Variants in NEUROD1 observed in about 807,000 individuals in gnomAD.
The protein encoded by NEUROD1 is neurogenic differentiation factor 1.
NEUROD1 carries 9 observed loss-of-function variants against 21.8 expected under a neutral mutation model. The observed-to-expected ratio is 0.41, with a 90% confidence interval of 0.25 to 0.72. The LOEUF (loss-of-function observed/expected upper bound fraction) is 0.72. Among genes scored for constraint, NEUROD1 ranks in the 30% least tolerant of loss-of-function variants. The probability of loss-of-function intolerance (pLI) is 0.31; values close to 1 mark genes in which losing one functional copy is unlikely to be tolerated. For missense variants in NEUROD1, 434 were observed against 468.8 expected, an observed-to-expected ratio of 0.93 and a Z score of 0.69; for synonymous variants, 199 against 186.2, an observed-to-expected ratio of 1.07 and a Z score of -0.56.
chr2:181,673,209 T>G (rs1688521582), downstream of NEUROD1: 1 of 152,238 alleles, frequency 6.6e-6, no homozygotes, highest in Non-Finnish European at 1.5e-5. Context: ...TCAATGCCAC[T>G]AGTTTGGCTG....
exon 2 of NEUROD1, among the ~76,000 whole-genome samples, chr2:181,671,025 GCACA>G (rs71004600): frequency 0.023 from 3,343 of 146,570 alleles, 71 homozygotes; most frequent in African/African-American, 0.051. Flanking sequence ...GCATATGTGT[GCACA>G]CACACACACA....
chr2:181,679,477 A>C (rs1351684375), intron 1 of NEUROD1, among the ~76,000 whole-genome samples: 1 of 152,264 alleles, frequency 6.6e-6, no homozygotes, highest in Non-Finnish European at 1.5e-5. Flanking sequence ...CATCAATGTA[A>C]CATTTGGCAA....
chr2:181,673,233 A>G (rs1039696970), downstream of NEUROD1: 3 of 152,210 alleles, frequency 2.0e-5, no homozygotes, highest in African/African-American at 7.2e-5. Context: ...AGTTAATTCC[A>G]TCAGAGCCAC....
downstream of NEUROD1, among the ~76,000 whole-genome samples, chr2:181,674,012 T>G (rs2105589680): frequency 1.3e-5 from 2 of 152,278 alleles, no homozygotes; most frequent in East Asian, 3.9e-4. Context: ...TATAATTGTT[T>G]TAATGATTAA....
At chr2:181,672,271 T>C (rs1383908476), downstream of NEUROD1, among the ~76,000 whole-genome samples, 5 of 152,234 alleles carry the variant, frequency 3.3e-5, no homozygotes, top group Non-Finnish European at 7.3e-5. Context: ...TCAATTGTTT[T>C]CTTTTTATAG....
At chr2:181,672,397 C>T (rs1463119803), downstream of NEUROD1, among the ~76,000 whole-genome samples, 3 of 152,234 alleles carry the variant, frequency 2.0e-5, no homozygotes, top group African/African-American at 7.2e-5. Context: ...CACATTAGTG[C>T]TCTTCAGTTC....
chr2:181,678,843 G>T lies in NEUROD1; in HGVS notation c.18C>A (p.Ser6Arg). 2 of 1,613,982 alleles carry T rather than the reference G, an allele frequency of 1.2e-6. No homozygotes were observed. Among genetic ancestry groups the T allele is most frequent in the East Asian group, 4.5e-5 (2 of 44,880 alleles). The change falls in exon 2 of 2, where the codon AGC (serine) becomes AGA (arginine). Residue 6 changes from serine (S) to arginine (R), a missense_variant. Ser to Arg is a moderately radical substitution (Grantham distance 110). Coordinates refer to ENST00000295108, the MANE Select transcript of NEUROD1 (RefSeq NM_002500.5). The surrounding 1 kb of genome is among the most constrained non-coding windows in gnomAD (Gnocchi z 5.5). MTKSY[S>R]ESGLMGEPQP... ...GAGGCTCGCCCATCAGCCCACTCTCGCTGTACGATTTGGTCATGTTTCGAT... is the reference window on the plus strand; with the variant it reads ...GAGGCTCGCCCATCAGCCCACTCTCTCTGTACGATTTGGTCATGTTTCGAT...
rs1396901758 is a variant in NEUROD1 at position 181,677,414 on chromosome 2, A to G, written c.*376T>C. ...TGCTGGTTGAAAAATATATATTTAT[A>G]TATATTTTAATTGGCCCATTACTAG... On this transcript the variant is annotated 3_prime_UTR_variant, in exon 2 of 2. Coordinates refer to ENST00000295108, the MANE Select transcript of NEUROD1 (RefSeq NM_002500.5). 6.2e-6 allele frequency: 1 copy of G among 161,008 alleles called. No individual in the cohort carries two copies. The highest frequency in any genetic ancestry group is 1.8e-4 in the East Asian group (1 of 5,588). The allele number at this position is 161,008 out of a possible 1,614,324, so 10.0% of individuals were successfully genotyped here. A position where few individuals can be genotyped will look rare whatever the true frequency, so the allele number is the denominator to read the frequency against.
chr2:181,674,721 A>G (rs1170888955), downstream of NEUROD1, among the ~76,000 whole-genome samples: 1 of 152,180 alleles, frequency 6.6e-6, no homozygotes, highest in Non-Finnish European at 1.5e-5. Context: ...GCCTTTGAAT[A>G]AAAGATGGTG....
At chr2:181,679,541 A>C (rs1028070001) in intron 1 of NEUROD1, among the ~76,000 whole-genome samples, 1 of 152,214 alleles carries the variant, frequency 6.6e-6, no homozygotes, top group Non-Finnish European at 1.5e-5. Flanking sequence ...CTTGCCTTCC[A>C]TCTCTGGCCC....
At position 181,678,145 on chromosome 2, in the gene NEUROD1, A is replaced by C; in HGVS notation, c.716T>G (p.Val239Gly). Residue 239 changes from valine to glycine, a missense_variant, in exon 2 of 2, where the codon GTC becomes GGC. Coordinates refer to ENST00000295108, the MANE Select transcript of NEUROD1 (RefSeq NM_002500.5). The surrounding 1 kb of genome is among the most constrained non-coding windows in gnomAD (Gnocchi z 5.5). ...GTGCGGCGGAGGCTTAACGTGGAAG[A>C]CATGGGAGCTGTCCATGGTACCGTA... ...PPYGTMDSSH[V>G]FHVKPPPHAY... 1 of 1,614,168 alleles carries C rather than the reference A, an allele frequency of 6.2e-7. No individual in the cohort carries two copies. Among genetic ancestry groups the C allele is most frequent in the South Asian group, 1.1e-5 (1 of 91,080 alleles).
chr2:181,680,358 G>A (rs1318761369), intron 1 of NEUROD1, 72 bp downstream of exon 1: 1 of 152,224 alleles, frequency 6.6e-6, no homozygotes, highest in Non-Finnish European at 1.5e-5. Context: ...CACACATACA[G>A]AATATGTAGG....
rs1393098220 is a variant in NEUROD1, at chr2:181,678,700, CTCAG to C, written c.157_160del (p.Leu53GlyfsTer38). 6.2e-7 allele frequency: 1 copy of C among 1,611,824 alleles called. No individual in the cohort carries two copies. Among genetic ancestry groups the C allele is most frequent in the Non-Finnish European group, 8.5e-7 (1 of 1,178,848 alleles). ...TTCGTCCTCCTCCTCTCCCCCGTTC[CTCAG>C]TGAGTCCTCCTCTGCGTTCATGGTT... On this transcript the variant is annotated frameshift_variant, in exon 2 of 2. Transcript: ENST00000295108. LOFTEE classifies it high-confidence loss of function. The surrounding 1 kb of genome is among the most constrained non-coding windows in gnomAD (Gnocchi z 5.5).
downstream of NEUROD1, among the ~76,000 whole-genome samples, chr2:181,669,034 T>G (rs117146746): frequency 5.8e-4 from 89 of 152,308 alleles, 1 homozygote; most frequent in East Asian, 0.016. Context: ...CTCCTATATC[T>G]GGATATAAGT....
rs200730094 is a variant in NEUROD1 at position 181,677,786 on chromosome 2, G to A, written c.*4C>T. The A allele has an allele frequency of 6.2e-7, 1 of 1,614,114 alleles. No individual in the cohort carries two copies. Among genetic ancestry groups the A allele is most frequent in the Non-Finnish European group, 8.5e-7 (1 of 1,180,028 alleles). ...TTCCCGGAAATGGTGAAACTGGCGT[G>A]CCTCTAATCATGAAATATGGCATTG... On this transcript the variant is annotated 3_prime_UTR_variant, in exon 2 of 2. Transcript: ENST00000295108.
chr2:181,670,479 T>C (rs1688482661), exon 2 of NEUROD1, among the ~76,000 whole-genome samples: 1 of 152,232 alleles, frequency 6.6e-6, no homozygotes, highest in Admixed American at 6.5e-5. Context: ...AACTCTCCTA[T>C]ACTTATATAT....
Position 181,676,539 on chromosome 2 carries a change from A to G in NEUROD1, c.*1251T>C, listed in dbSNP as rs772250832. On this transcript the variant is annotated 3_prime_UTR_variant, in exon 2 of 2. Transcript: ENST00000295108. Reference sequence around the variant, plus strand: ...TGTGCATTACACCATAATATACAGGATTACAAACAAAATTACAGTACAGAT... The same window carrying G: ...TGTGCATTACACCATAATATACAGGGTTACAAACAAAATTACAGTACAGAT... 3.9e-5 allele frequency: 6 copies of G among 152,658 alleles called. No homozygotes were observed. Among genetic ancestry groups the G allele is most frequent in the Non-Finnish European group, 7.4e-5 (5 of 68,026 alleles). The allele number at this position is 152,658 out of a possible 1,614,324, so 9.5% of individuals were successfully genotyped here.
In NEUROD1 at chr2:181,677,729, C is replaced by CA; in HGVS notation, c.*60dup. 1.9e-6 allele frequency: 3 copies of CA among 1,612,892 alleles called. No individual in the cohort carries two copies. The highest frequency in any genetic ancestry group is 2.5e-6 in the Non-Finnish European group (3 of 1,180,008). On this transcript the variant is annotated 3_prime_UTR_variant, in exon 2 of 2. Transcript: ENST00000295108. Reference sequence around the variant, plus strand: ...TACCCAAAGGGCTGCCTTTTGTAAACACGACAGTCACTGTAAGCACAGTGG... The same window carrying CA: ...TACCCAAAGGGCTGCCTTTTGTAAACAACGACAGTCACTGTAAGCACAGTGG...
At chr2:181,679,016 A>G (rs1275279532) in intron 1 of NEUROD1, 145 bp from the exon 2 acceptor site, 2 of 988,972 alleles carry the variant, frequency 2.0e-6, no homozygotes, top group Non-Finnish European at 3.0e-6. Context: ...AATGCCTCTG[A>G]GAAAAAGTTA....
Sources: allele counts gnomAD v4.1 joint callset (sites outside exome capture counted in the v4.1 genomes callset), GRCh38; gene constraint gnomAD v4.1.1; non-coding constraint Gnocchi (gnomAD v3.1); transcripts MANE v1.5; gene names NCBI Gene and HGNC (gene_info 2026-07-23, HGNC 2026-07-21).